Variants in COLEC12 observed in about 807,000 individuals in gnomAD.
COLEC12 encodes the protein collectin subfamily member 12.
In COLEC12, 33 loss-of-function variants were observed where a neutral mutation model predicts 71.1. That is an observed-to-expected ratio of 0.46 (90% CI 0.35 to 0.62). COLEC12 has a LOEUF of 0.62. Among genes scored for constraint, COLEC12 ranks in the 20% least tolerant of loss-of-function variants. The pLI, the probability that COLEC12 is intolerant of heterozygous loss-of-function variation, is 0.00. For synonymous variants in COLEC12, 350 were observed against 353.0 expected, an observed-to-expected ratio of 0.99 and a Z score of 0.10; for missense variants, 765 against 916.1, an observed-to-expected ratio of 0.84 and a Z score of 2.13.
At chr18:434,520 T>A (rs1916366668) in intron 2 of COLEC12, among the ~76,000 whole-genome samples, 2 of 152,208 alleles carry the variant, frequency 1.3e-5, no homozygotes, top group South Asian at 4.1e-4. Flanking sequence ...AGCAGTCACA[T>A]CTGGCCCATT....
chr18:485,941 T>C (rs967203408), intron 1 of COLEC12, among the ~76,000 whole-genome samples: 3 of 152,234 alleles, frequency 2.0e-5, no homozygotes, highest in African/African-American at 4.8e-5. Context: ...CATCACATTG[T>C]ACCCTCAACA....
At chr18:485,649 G>A (rs1182679183) in intron 1 of COLEC12, among the ~76,000 whole-genome samples, 3 of 152,210 alleles carry the variant, frequency 2.0e-5, no homozygotes, top group Non-Finnish European at 4.4e-5. Context: ...AGAGAATGTT[G>A]AACAGAATTT....
intron 1 of COLEC12, among the ~76,000 whole-genome samples, chr18:489,220 A>AAG (rs1343676637): frequency 6.6e-6 from 1 of 152,258 alleles, no homozygotes; most frequent in Non-Finnish European, 1.5e-5. Context: ...GTTGGAAGCT[A>AAG]AAGTAAATAC....
chr18:349,447 CGGGT>C (rs1914459752), intron 3 of COLEC12, among the ~76,000 whole-genome samples: 1 of 152,138 alleles, frequency 6.6e-6, no homozygotes, highest in African/African-American at 2.4e-5. Context: ...GTTTGCTGCA[CGGGT>C]GGGATGTGCA....
rs1327138833 is a variant in COLEC12 at position 346,773 on chromosome 18, C to T, written c.849G>A (p.Leu283=). 6.2e-7 allele frequency: 1 copy of T among 1,614,224 alleles called. No individual in the cohort carries two copies. Among genetic ancestry groups the T allele is most frequent in the South Asian group, 1.1e-5 (1 of 91,090 alleles). ...SALAKANNDT[L]EDMNSQLNSF... is the part of the protein sequence containing the mutation. ...AGTTGAGCTGGCTGTTCATATCCTC[C>T]AGGGTGTCGTTGTTGGCTTTGGCCA... Residue 283 remains leucine, a synonymous_variant, in exon 5 of 10, where the codon CTG becomes CTA. Transcript: ENST00000400256. This position sits in a 1 kb window ranked among gnomAD's most constrained non-coding sequence, Gnocchi z 4.0.
At chr18:393,577 T>C (rs1915508292) in intron 2 of COLEC12, among the ~76,000 whole-genome samples, 1 of 152,214 alleles carries the variant, frequency 6.6e-6, no homozygotes, top group South Asian at 2.1e-4. Flanking sequence ...GAATCTGCCA[T>C]GCACTTTCAT....
At chr18:482,308 T>C (rs1418597737) in intron 1 of COLEC12, among the ~76,000 whole-genome samples, 1 of 152,036 alleles carries the variant, frequency 6.6e-6, no homozygotes, top group Non-Finnish European at 1.5e-5. Context: ...GAGATGAGGT[T>C]TCACCATATT....
chr18:436,529 G>A (rs575355912), intron 2 of COLEC12, among the ~76,000 whole-genome samples: 46,657 of 86,710 alleles, frequency 0.54, 12,003 homozygotes, highest in South Asian at 0.79. Context: ...AAAAAAAGGG[G>A]GGGGGGGGGG....
chr18:347,343 T>C lies in COLEC12; in HGVS notation c.281-2A>G, dbSNP rs992180871. Reference sequence around the variant, plus strand: ...TAGCTTTCTTCCCAGTTTGGTCACCTGGAATAAGAAATATCTGTGACTTAT... The same window carrying C: ...TAGCTTTCTTCCCAGTTTGGTCACCCGGAATAAGAAATATCTGTGACTTAT... On this transcript the variant is annotated splice_acceptor_variant, in intron 4 of 9. Transcript: ENST00000400256. LOFTEE classifies it high-confidence loss of function. The C allele has an allele frequency of 6.2e-7, 1 of 1,609,070 alleles. No homozygotes were observed.
chr18:439,604 A>C (rs1346154734), intron 2 of COLEC12, among the ~76,000 whole-genome samples: 3 of 152,032 alleles, frequency 2.0e-5, no homozygotes, highest in African/African-American at 7.2e-5. Context: ...ACATATCATA[A>C]AATTCATCTA....
chr18:456,650 T>C (rs993601336), intron 2 of COLEC12, among the ~76,000 whole-genome samples: 4 of 152,250 alleles, frequency 2.6e-5, no homozygotes, highest in Non-Finnish European at 4.4e-5. Flanking sequence ...CACTGGCAGC[T>C]GATGTTGTGT....
intron 2 of COLEC12, among the ~76,000 whole-genome samples, chr18:369,881 G>C (rs910461800): frequency 6.6e-6 from 1 of 152,120 alleles, no homozygotes; most frequent in African/African-American, 2.4e-5. Flanking sequence ...GCCTAGGACA[G>C]GCAGCTATGG....
intron 2 of COLEC12, among the ~76,000 whole-genome samples, chr18:376,048 CAG>C (rs1299791248): frequency 6.6e-6 from 1 of 152,148 alleles, no homozygotes; most frequent in Non-Finnish European, 1.5e-5. Flanking sequence ...TAGTGACTGG[CAG>C]AGAGAGGATT....
At chr18:338,984 A>ATTTTTTTTT (rs33991062) in intron 5 of COLEC12, among the ~76,000 whole-genome samples, 5 of 144,480 alleles carry the variant, frequency 3.5e-5, no homozygotes, top group Admixed American at 7.1e-5. Context: ...TATTGTCTTA[A>ATTTTTTTTT]TTTTTTTTTT....
rs530026671 is a variant in COLEC12, at chr18:327,657, G to A, written c.2063+4011C>T. 1.1e-4 allele frequency among the ~76,000 whole-genome samples: 17 copies of A among 152,336 alleles called. No individual in the cohort carries two copies. Among genetic ancestry groups the A allele is most frequent in the East Asian group, 7.7e-4 (4 of 5,194 alleles). On this transcript the variant is annotated intron_variant, in intron 8 of 9. Transcript: ENST00000400256. This position sits in a 1 kb window ranked among gnomAD's most constrained non-coding sequence, Gnocchi z 4.0. ...ATGAAAAATGAGGTGAGGCCGAGAC[G>A]CAGAGGAGAGAGCCTTTTATCCCTC...
At chr18:493,560 G>T (rs955855931) in intron 1 of COLEC12, among the ~76,000 whole-genome samples, 3 of 152,296 alleles carry the variant, frequency 2.0e-5, no homozygotes, top group Admixed American at 2.0e-4. Flanking sequence ...TCTCTACTTT[G>T]GATTCCAGTT....
At position 348,144 on chromosome 18, in the gene COLEC12, A is replaced by G; in HGVS notation, c.201T>C (p.Asn67=). 1.2e-6 allele frequency: 2 copies of G among 1,613,308 alleles called. No individual in the cohort carries two copies. The highest frequency in any genetic ancestry group is 1.7e-6 in the Non-Finnish European group (2 of 1,179,278). Residue 67 remains asparagine (N), a synonymous_variant, in exon 4 of 10, where the codon AAT becomes AAC. Coordinates refer to ENST00000400256, the MANE Select transcript of COLEC12 (RefSeq NM_130386.3). Reference sequence around the variant, plus strand: ...GAGATGTTTCCATGCCACCTGTGACATTGTCCATTTTCTCTACAACTAAGA... The same window carrying G: ...GAGATGTTTCCATGCCACCTGTGACGTTGTCCATTTTCTCTACAACTAAGA... The part of the protein sequence containing the change: ...LGYKVVEKMD[N]VTGGMETSRQ...
chr18:386,003 T>C (rs1392692835), intron 2 of COLEC12, among the ~76,000 whole-genome samples: 1 of 152,220 alleles, frequency 6.6e-6, no homozygotes, highest in African/African-American at 2.4e-5. Context: ...AAGGTTGATC[T>C]GATTTCAGAT....
chr18:483,993 C>G (rs1917474129), intron 1 of COLEC12, among the ~76,000 whole-genome samples: 1 of 152,156 alleles, frequency 6.6e-6, no homozygotes, highest in African/African-American at 2.4e-5. Flanking sequence ...GCACTGTGGG[C>G]CACAGAAACA....
Sources: gnomAD v4.1 joint callset for allele counts (sites outside exome capture counted in the v4.1 genomes callset) on GRCh38, gnomAD v4.1.1 for gene constraint, Gnocchi (gnomAD v3.1) non-coding constraint, MANE v1.5 for transcripts, NCBI Gene and HGNC (gene_info 2026-07-23, HGNC 2026-07-21) for gene names.